The following SPATA12 variants were observed in gnomAD, a reference collection of about 807,000 sequenced individuals.
The protein encoded by SPATA12 is spermatogenesis-associated protein 12.
For synonymous variants in SPATA12, 85 were observed against 89.2 expected, an observed-to-expected ratio of 0.95 and a Z score of 0.26; for missense variants, 219 against 226.4, an observed-to-expected ratio of 0.97 and a Z score of 0.21.
intron 1 of SPATA12, among the ~76,000 whole-genome samples, chr3:57,069,654 T>C (rs1456116781): frequency 6.6e-6 from 1 of 152,214 alleles, no homozygotes; most frequent in Non-Finnish European, 1.5e-5. Context: ...TAAGCTTTTT[T>C]TTTTCTTTTG....
At chr3:57,070,971 C>CAAAAAAAAAAAAAAAAGAAAAA (rs1705861010) in intron 1 of SPATA12, among the ~76,000 whole-genome samples, 1 of 49,686 alleles carries the variant, frequency 2.0e-5, no homozygotes, top group Non-Finnish European at 4.5e-5. Flanking sequence ...GACTCTGTCA[C>CAAAAAAAAAAAAAAAAGAAAAA]AAAAAAAAAA....
intron 1 of SPATA12, among the ~76,000 whole-genome samples, chr3:57,072,956 G>T (rs1287701928): frequency 1.3e-5 from 2 of 152,168 alleles, no homozygotes; most frequent in Admixed American, 1.3e-4. Flanking sequence ...TGAAGCAGGA[G>T]AATCACTTGA....
At chr3:57,066,354 C>CA (rs1274935964) in intron 1 of SPATA12, among the ~76,000 whole-genome samples, 1 of 152,048 alleles carries the variant, frequency 6.6e-6, no homozygotes, top group Non-Finnish European at 1.5e-5. Flanking sequence ...CTCCGCCTCC[C>CA]AGGTTCAAGC....
Position 57,073,788 on chromosome 3 carries a change from T to TGGCCACCCAGAGGCCTTGGGTC in SPATA12, c.95_116dup (p.Ser40AlafsTer48). 3 of 1,614,216 alleles carry TGGCCACCCAGAGGCCTTGGGTC rather than the reference T, an allele frequency of 1.9e-6. No homozygotes were observed. Among genetic ancestry groups the TGGCCACCCAGAGGCCTTGGGTC allele is most frequent in the Non-Finnish European group, 2.5e-6 (3 of 1,180,036 alleles). The stretch of plus-strand genomic sequence containing the variant: ...ACTAGACTCTTCCAGACTCGTTCCA[T>TGGCCACCCAGAGGCCTTGGGTC]GGCCACCCAGAGGCCTTGGGTCATC... On this transcript the variant is annotated frameshift_variant, in exon 2 of 2. Coordinates refer to ENST00000334325, the MANE Select transcript of SPATA12 (RefSeq NM_181727.2). LOFTEE classifies it low-confidence loss of function (END_TRUNC).
intron 1 of SPATA12, among the ~76,000 whole-genome samples, chr3:57,067,453 A>AT (rs1189718380): frequency 7.7e-6 from 1 of 130,446 alleles, no homozygotes; most frequent in Non-Finnish European, 1.6e-5. Flanking sequence ...ACTCTGTCTC[A>AT]AAATAATAAT....
chr3:57,069,376 AACACACACAC>A (rs147675971), intron 1 of SPATA12, among the ~76,000 whole-genome samples: 8 of 146,466 alleles, frequency 5.5e-5, no homozygotes, highest in East Asian at 4.1e-4. Context: ...CTGTCTCTCA[AACACACACAC>A]ACACACACAC....
chr3:57,064,255 G>T (rs1705399438), intron 1 of SPATA12, among the ~76,000 whole-genome samples: 1 of 152,104 alleles, frequency 6.6e-6, no homozygotes, highest in South Asian at 2.1e-4. Context: ...ACAGAGTGAG[G>T]CCCCGTCTCA....
intron 1 of SPATA12, among the ~76,000 whole-genome samples, chr3:57,071,502 A>G (rs1183051781): frequency 3.3e-5 from 5 of 152,150 alleles, no homozygotes; most frequent in African/African-American, 1.2e-4. Flanking sequence ...TCTACTAAAA[A>G]TACAAAAATC....
At position 57,073,768 on chromosome 3, in the gene SPATA12, A is replaced by T. The variant is rs1329584835; in HGVS notation, c.74A>T (p.Asp25Val). 1 of 1,613,990 alleles carries T rather than the reference A, an allele frequency of 6.2e-7. No individual in the cohort carries two copies. The highest frequency in any genetic ancestry group is 1.1e-5 in the South Asian group (1 of 91,058). The change falls in exon 2 of 2, where the codon GAC (aspartate) becomes GTC (valine). Residue 25 changes from aspartate (D) to valine (V), a missense_variant. Physicochemically the swap from Asp to Val is radical, Grantham distance 152 (BLOSUM62 -3). Coordinates refer to ENST00000334325, the MANE Select transcript of SPATA12 (RefSeq NM_181727.2). ...GACACCTGGGAAATGAAGGCACTAGACTCTTCCAGACTCGTTCCATGGCCA... is the reference window on the plus strand; with the variant it reads ...GACACCTGGGAAATGAAGGCACTAGTCTCTTCCAGACTCGTTCCATGGCCA... ...SGDTWEMKAL[D>V]SSRLVPWPPR... is the part of the protein sequence containing the mutation.
At chr3:57,062,730 C>T (rs898157610) in intron 1 of SPATA12, among the ~76,000 whole-genome samples, 1 of 152,076 alleles carries the variant, frequency 6.6e-6, no homozygotes. Context: ...AACAAACATG[C>T]ACACACACAT....
chr3:57,072,881 C>T (rs7643906), intron 1 of SPATA12, among the ~76,000 whole-genome samples: 41,612 of 151,826 alleles, frequency 0.27, 6,605 homozygotes, highest in East Asian at 0.47. Context: ...CCCATCTCTA[C>T]TAAAAAATAC....
In SPATA12 at chr3:57,074,143, A is replaced by G. The variant is rs767241191; in HGVS notation, c.449A>G (p.Asp150Gly). The change falls in exon 2 of 2, where the codon GAT (aspartate) becomes GGT (glycine). Residue 150 changes from aspartate to glycine, a missense_variant. Asp to Gly is a moderately conservative substitution (Grantham distance 94). Coordinates refer to ENST00000334325, the MANE Select transcript of SPATA12 (RefSeq NM_181727.2). ...TTGWLWRLCE[D>G]IDAEPSSTGC... ...GGATGGTTGTGGAGACTGTGTGAGG[A>G]TATAGATGCCGAGCCCAGTAGCACA... The G allele has an allele frequency of 6.2e-7, 1 of 1,614,040 alleles. No individual in the cohort carries two copies. The highest frequency in any genetic ancestry group is 8.5e-7 in the Non-Finnish European group (1 of 1,180,012).
rs771947436 is a variant in SPATA12, at chr3:57,073,788, T to C, written c.94T>C (p.Trp32Arg). The C allele has an allele frequency of 1.9e-6, 3 of 1,614,216 alleles. No homozygotes were observed. Among genetic ancestry groups the C allele is most frequent in the South Asian group, 1.1e-5 (1 of 91,086 alleles). The stretch of plus-strand genomic sequence containing the variant: ...ACTAGACTCTTCCAGACTCGTTCCA[T>C]GGCCACCCAGAGGCCTTGGGTCATC... ...KALDSSRLVP[W>R]PPRGLGSSTQ... The change falls in exon 2 of 2, where the codon TGG becomes CGG. Residue 32 changes from tryptophan (W) to arginine (R), a missense_variant. Physicochemically the swap from Trp to Arg is moderately radical, Grantham distance 101. Coordinates refer to ENST00000334325, the MANE Select transcript of SPATA12 (RefSeq NM_181727.2).
intron 1 of SPATA12, among the ~76,000 whole-genome samples, chr3:57,071,764 T>A (rs981765654): frequency 6.7e-6 from 1 of 148,820 alleles, no homozygotes; most frequent in Non-Finnish European, 1.5e-5. Context: ...CCAAGAAAAA[T>A]AGATAAATTG....
In SPATA12 at chr3:57,075,071, GC is replaced by G. The variant is rs2107422263; in HGVS notation, c.*805del. The stretch of plus-strand genomic sequence containing the variant: ...CTGGGGAGTTTGACCACAACATTGG[GC>G]TCCATATGCATGGAATGAGGTTGCA... On this transcript the variant is annotated 3_prime_UTR_variant, in exon 2 of 2. Coordinates refer to ENST00000334325, the MANE Select transcript of SPATA12 (RefSeq NM_181727.2). The G allele has an allele frequency of 6.0e-6, 1 of 167,214 alleles. No homozygotes were observed. The highest frequency in any genetic ancestry group is 2.1e-4 in the South Asian group (1 of 4,814). 10.4% of individuals were successfully genotyped at this position (167,214 alleles called of 1,614,324 possible).
At chr3:57,065,947 A>T (rs1391599266) in intron 1 of SPATA12, among the ~76,000 whole-genome samples, 1 of 151,932 alleles carries the variant, frequency 6.6e-6, no homozygotes, top group East Asian at 1.9e-4. Context: ...TGGGCACAGT[A>T]ATTCACATCT....
At chr3:57,062,719 C>G (rs1292719734) in intron 1 of SPATA12, among the ~76,000 whole-genome samples, 4 of 152,068 alleles carry the variant, frequency 2.6e-5, no homozygotes, top group Non-Finnish European at 5.9e-5. Flanking sequence ...CACACACACA[C>G]AACAAACATG....
Position 57,073,881 on chromosome 3 carries a change from G to A in SPATA12, c.187G>A (p.Ala63Thr), listed in dbSNP as rs534997977. 1.7e-5 allele frequency: 28 copies of A among 1,614,206 alleles called. No individual in the cohort carries two copies. In the East Asian group the frequency reaches 3.3e-4, roughly 19 times the overall value. ...CCAGGGTCCAGGTGTCCTGCCAGGA[G>A]CAGCCTCTGCCCTCCCAGAGCTGAC... ...SCQGPGVLPG[A>T]ASALPELTFQ... The change falls in exon 2 of 2, where the codon GCA becomes ACA. Residue 63 changes from alanine to threonine, a missense_variant. Transcript: ENST00000334325.
intron 1 of SPATA12, among the ~76,000 whole-genome samples, chr3:57,068,653 C>G (rs1314478134): frequency 1.3e-5 from 2 of 152,210 alleles, no homozygotes; most frequent in Admixed American, 1.3e-4. Context: ...CCTCCCCACC[C>G]CCTTGGGAGA....
Sources: allele counts gnomAD v4.1 joint callset (sites outside exome capture counted in the v4.1 genomes callset), GRCh38; gene constraint gnomAD v4.1.1; transcripts MANE v1.5; gene names NCBI Gene and HGNC (gene_info 2026-07-23, HGNC 2026-07-21).